Variants in MAML2 observed in about 807,000 individuals in gnomAD.
MAML2 encodes the protein mastermind like transcriptional coactivator 2.
A neutral mutation model predicts 96.1 loss-of-function variants in MAML2; 22 were observed. The ratio of observed to expected loss-of-function variants is 0.23; its 90% CI spans 0.16 to 0.33. MAML2 has a LOEUF of 0.33. Ranked by LOEUF, MAML2 falls within the 10% of genes least tolerant of loss-of-function variation. The probability of loss-of-function intolerance (pLI) is 1.00; values close to 1 mark genes in which losing one functional copy is unlikely to be tolerated. For missense variants in MAML2, 1,367 were observed against 1,392.4 expected, an observed-to-expected ratio of 0.98 and a Z score of 0.29; for synonymous variants, 561 against 521.3, an observed-to-expected ratio of 1.08 and a Z score of -1.04.
chr11:96,321,838 C>T (rs1346841693), intron 1 of MAML2, among the ~76,000 whole-genome samples: 1 of 152,156 alleles, frequency 6.6e-6, no homozygotes, highest in Non-Finnish European at 1.5e-5. Context: ...TTCTTCTTCC[C>T]TTCAAATTAC....
chr11:96,206,106 A>C (rs1200923383), intron 1 of MAML2, among the ~76,000 whole-genome samples: 1 of 152,040 alleles, frequency 6.6e-6, no homozygotes, highest in East Asian at 1.9e-4. Context: ...AAGGTTAAGC[A>C]ATAGAAGTTT....
intron 1 of MAML2, among the ~76,000 whole-genome samples, chr11:96,143,666 AC>A (rs1201091183): frequency 6.6e-6 from 1 of 152,206 alleles, no homozygotes; most frequent in Non-Finnish European, 1.5e-5. Flanking sequence ...AAAACTCCAA[AC>A]AACATTAATT....
intron 2 of MAML2, among the ~76,000 whole-genome samples, chr11:96,074,016 G>A (rs979100484): frequency 6.6e-5 from 10 of 152,108 alleles, no homozygotes; most frequent in African/African-American, 2.2e-4. Context: ...GGTTATGTTC[G>A]TCTCAATGCT....
chr11:96,279,427 G>T (rs570803211), intron 1 of MAML2, among the ~76,000 whole-genome samples: 271 of 152,254 alleles, frequency 1.8e-3, no homozygotes, highest in Admixed American at 5.1e-3. Context: ...ATGACCTTTT[G>T]TTCATTCTTA....
chr11:96,079,508 C>T (rs1383744761), intron 2 of MAML2, among the ~76,000 whole-genome samples: 1 of 152,088 alleles, frequency 6.6e-6, no homozygotes, highest in Non-Finnish European at 1.5e-5. Context: ...TAACCTTAAG[C>T]AAATTACTAA....
At chr11:96,211,632 A>C (rs1315718355) in intron 1 of MAML2, among the ~76,000 whole-genome samples, 2 of 152,152 alleles carry the variant, frequency 1.3e-5, no homozygotes, top group Non-Finnish European at 2.9e-5. Flanking sequence ...GATGTCACAC[A>C]TCTGATGTCA....
intron 2 of MAML2, among the ~76,000 whole-genome samples, chr11:96,066,849 G>GT (rs1859252246): frequency 6.6e-6 from 1 of 152,152 alleles, no homozygotes; most frequent in African/African-American, 2.4e-5. Flanking sequence ...ATAAACCCAG[G>GT]TAAAAAGAAG....
chr11:96,272,816 G>A (rs1285565057), intron 1 of MAML2, among the ~76,000 whole-genome samples: 3 of 152,102 alleles, frequency 2.0e-5, no homozygotes, highest in Non-Finnish European at 4.4e-5. Flanking sequence ...TTAAGCCTTC[G>A]ACTTAGTGCT....
In MAML2 at chr11:96,342,571, C is replaced by T; in HGVS notation, c.-676G>A. The T allele has an allele frequency of 2.5e-6, 1 of 396,002 alleles. No individual in the cohort carries two copies. 24.5% of individuals were successfully genotyped at this position (396,002 alleles called of 1,614,324 possible). A position where few individuals can be genotyped will look rare whatever the true frequency, so the allele number is the denominator to read the frequency against. On this transcript the variant is annotated 5_prime_UTR_variant, in exon 1 of 5. Coordinates refer to ENST00000524717, the MANE Select transcript of MAML2 (RefSeq NM_032427.4). The stretch of plus-strand genomic sequence containing the variant: ...TTAATTTTTCCTCCCTTTCCTTTCG[C>T]TCCGGTGTTTTCTCCTCTTTGGGGT...
At chr11:95,992,886 T>A (rs57428484) in intron 2 of MAML2, among the ~76,000 whole-genome samples, 2 of 145,788 alleles carry the variant, frequency 1.4e-5, no homozygotes, top group East Asian at 4.1e-4. Flanking sequence ...AACTCTCTCT[T>A]TTTTTTTTTT....
rs964824744 is a variant in MAML2 at position 96,021,674 on chromosome 11, A to G, written c.2140-29951T>C. Among the ~76,000 whole-genome samples the G allele has an allele frequency of 6.2e-4, 95 of 152,326 alleles. 1 individual carries two copies. The highest frequency in any genetic ancestry group is 2.1e-3 in the African/African-American group (88 of 41,580). On this transcript the variant is annotated intron_variant, in intron 2 of 4. Coordinates refer to ENST00000524717, the MANE Select transcript of MAML2 (RefSeq NM_032427.4). ...CTGGTTGGTGGCTGCTCCAACACCT[A>G]TAGTCCAAGAGTGACTATGATGGGC...
At chr11:95,997,527 T>C (rs956816344) in intron 2 of MAML2, among the ~76,000 whole-genome samples, 9 of 152,310 alleles carry the variant, frequency 5.9e-5, no homozygotes, top group East Asian at 3.9e-4. Flanking sequence ...ATTCATTAAT[T>C]CAACAAGTAT....
chr11:96,029,199 A>C (rs928873258), intron 2 of MAML2, among the ~76,000 whole-genome samples: 1 of 150,812 alleles, frequency 6.6e-6, no homozygotes, highest in Admixed American at 6.6e-5. Flanking sequence ...ATAATAATAA[A>C]AAAAAAACTT....
At chr11:96,180,760 A>G (rs1861470952) in intron 1 of MAML2, among the ~76,000 whole-genome samples, 1 of 152,188 alleles carries the variant, frequency 6.6e-6, no homozygotes. Context: ...CCGTGTGAAG[A>G]GACCACCAAA....
At chr11:96,131,682 T>C (rs543877027) in intron 1 of MAML2, among the ~76,000 whole-genome samples, 1 of 152,204 alleles carries the variant, frequency 6.6e-6, no homozygotes, top group Non-Finnish European at 1.5e-5. Context: ...GTGATAGAAG[T>C]GTTCTAGAAT....
chr11:96,015,025 A>G (rs1178855304), intron 2 of MAML2, among the ~76,000 whole-genome samples: 1 of 152,230 alleles, frequency 6.6e-6, no homozygotes, highest in Non-Finnish European at 1.5e-5. Flanking sequence ...CCCTATTAGT[A>G]TCTCCATTTT....
intron 1 of MAML2, among the ~76,000 whole-genome samples, chr11:96,213,126 C>A (rs1785434137): frequency 6.6e-6 from 1 of 152,130 alleles, no homozygotes; most frequent in South Asian, 2.1e-4. Flanking sequence ...AGAAAACTGA[C>A]CCACACAGGA....
At chr11:96,094,540 G>GT (rs1321037908) in intron 1 of MAML2, among the ~76,000 whole-genome samples, 1 of 152,170 alleles carries the variant, frequency 6.6e-6, no homozygotes, top group African/African-American at 2.4e-5. Flanking sequence ...ACATGTTTAA[G>GT]TTTTTTTGTG....
rs769576926 is a variant in MAML2, at chr11:96,303,427, C to T, written c.513+37956G>A. ...GTTATCTATATATAACAATTTTCCTCATGGAATGTGCCATAGAGTAAGAGT... is the reference window on the plus strand; with the variant it reads ...GTTATCTATATATAACAATTTTCCTTATGGAATGTGCCATAGAGTAAGAGT... On this transcript the variant is annotated intron_variant, in intron 1 of 4. Transcript: ENST00000524717. 3.8e-4 allele frequency among the ~76,000 whole-genome samples: 58 copies of T among 152,298 alleles called. 1 individual carries two copies. The highest frequency in any genetic ancestry group is 3.4e-3 in the Middle Eastern group (1 of 292).
Sources: gnomAD v4.1 joint callset for allele counts (sites outside exome capture counted in the v4.1 genomes callset) on GRCh38, gnomAD v4.1.1 for gene constraint, MANE v1.5 for transcripts, NCBI Gene and HGNC (gene_info 2026-07-23, HGNC 2026-07-21) for gene names.